ARAP2: variants seen among roughly 807,000 people sequenced by gnomAD.
The protein encoded by ARAP2 is arf-GAP with Rho-GAP domain, ANK repeat and PH domain-containing protein 2.
Under a neutral mutation model 194.5 loss-of-function variants are expected in ARAP2, and 148 were observed. That is an observed-to-expected ratio of 0.76 (90% CI 0.67 to 0.87). The LOEUF (loss-of-function observed/expected upper bound fraction) is 0.87. Ranked by LOEUF, ARAP2 falls within the 40% of genes least tolerant of loss-of-function variation. The pLI is 0.00. For synonymous variants in ARAP2, 695 were observed against 683.5 expected, an observed-to-expected ratio of 1.02 and a Z score of -0.26; for missense variants, 2,128 against 1,989.7, an observed-to-expected ratio of 1.07 and a Z score of -1.32.
Position 36,032,819 on chromosome 4 carries a change from C to T in ARAP2, n.607+13160G>A, listed in dbSNP as rs552817915. On this transcript the variant is annotated intron_variant and non_coding_transcript_variant, in intron 5 of 12. Transcript: ENST00000503225. ...ATAGTTATGTTTTCTGATCCTTGCCCTCCTCTTACCCTCCACACTCAAGTA... is the reference window on the plus strand; with the variant it reads ...ATAGTTATGTTTTCTGATCCTTGCCTTCCTCTTACCCTCCACACTCAAGTA... Among the ~76,000 whole-genome samples, 6 of 152,284 alleles carry T rather than the reference C, an allele frequency of 3.9e-5. No individual in the cohort carries two copies. In the East Asian group the frequency reaches 9.6e-4, roughly 24 times the overall value.
Position 36,073,698 on chromosome 4 carries a change from T to C in ARAP2, c.4734A>G (p.Lys1578=). The change falls in exon 32 of 33, where the codon AAA becomes AAG. Residue 1578 remains lysine (K), a synonymous_variant. Transcript: ENST00000303965. ...CAAAATCCTAACCTACCTCAATATTTTTCCGGGCCAAGGTTGCATTCCCCT... is the reference window on the plus strand; with the variant it reads ...CAAAATCCTAACCTACCTCAATATTCTTCCGGGCCAAGGTTGCATTCCCCT... The part of the protein sequence containing the change: ...QHEGNATLAR[K]NIESARAELE... The C allele has an allele frequency of 6.2e-7, 1 of 1,611,566 alleles. No homozygotes were observed. The highest frequency in any genetic ancestry group is 8.5e-7 in the Non-Finnish European group (1 of 1,178,480).
At position 36,184,046 on chromosome 4, in the gene ARAP2, T is replaced by C. The variant is rs370842440; in HGVS notation, c.1678+3405A>G. On this transcript the variant is annotated intron_variant, in intron 8 of 32. Transcript: ENST00000303965. The stretch of plus-strand genomic sequence containing the variant: ...AATCAAAATAGACTTGAATTTAGCT[T>C]CAAGTTTATTAAGTTAAAGTCCTTA... 6.6e-5 allele frequency among the ~76,000 whole-genome samples: 10 copies of C among 152,332 alleles called. 2 individuals are homozygous for C. The highest frequency in any genetic ancestry group is 2.6e-4 in the Admixed American group (4 of 15,298).
intron 15 of ARAP2, among the ~76,000 whole-genome samples, chr4:36,154,768 A>G (rs1192077853): frequency 6.6e-6 from 1 of 152,206 alleles, no homozygotes; most frequent in African/African-American, 2.4e-5. Context: ...TTTGTTTTTA[A>G]TCATTTTGCT....
rs886186948 is a variant in ARAP2 at position 36,174,834 on chromosome 4, C to T, written c.1857+2993G>A. ...AATAAAAACCCACAACTGCAACCTC[C>T]CAGTCCAATCTTCTTTGCAATAAAT... On this transcript the variant is annotated intron_variant, in intron 9 of 32. Coordinates refer to ENST00000303965, the MANE Select transcript of ARAP2 (RefSeq NM_015230.4). Among the ~76,000 whole-genome samples, 8 of 152,238 alleles carry T rather than the reference C, an allele frequency of 5.3e-5. No individual in the cohort carries two copies. In the East Asian group the frequency reaches 1.3e-3, roughly 26 times the overall value.
chr4:36,005,894 C>T (rs1052173521), intron 10 of ARAP2: 6 of 152,102 alleles, frequency 3.9e-5, no homozygotes, highest in Non-Finnish European at 8.8e-5. Flanking sequence ...TCAGGGTAGA[C>T]CAGTGGCATT....
At position 36,228,896 on chromosome 4, in the gene ARAP2, T is replaced by A. The variant is rs1229508583; in HGVS notation, c.591A>T (p.Glu197Asp). ...GATTTTCTGTGATCAATTTAACTTT[T>A]TCTGTTTGTTGTTCTTCAACTGTGT... ...VDHTVEEQQT[E>D]KVKLITENLS... The change falls in exon 2 of 33, where the codon GAA becomes GAT. Residue 197 changes from glutamate to aspartate, a missense_variant. Coordinates refer to ENST00000303965, the MANE Select transcript of ARAP2 (RefSeq NM_015230.4). The A allele has an allele frequency of 1.2e-6, 2 of 1,613,914 alleles. No homozygotes were observed. The highest frequency in any genetic ancestry group is 1.7e-5 in the Admixed American group (1 of 59,950).
chr4:36,202,145 T>A (rs1332774774), intron 6 of ARAP2, among the ~76,000 whole-genome samples: 2 of 152,176 alleles, frequency 1.3e-5, no homozygotes, highest in African/African-American at 4.8e-5. Flanking sequence ...GACCCAATAT[T>A]TTCTAGGACT....
At chr4:36,059,661 C>G (rs1347257709) in intron 1 of ARAP2, among the ~76,000 whole-genome samples, 1 of 152,102 alleles carries the variant, frequency 6.6e-6, no homozygotes, top group East Asian at 1.9e-4. Flanking sequence ...ATGTATTCCT[C>G]TAGGACTTAG....
At chr4:36,202,423 C>T (rs1744560086) in intron 6 of ARAP2, among the ~76,000 whole-genome samples, 1 of 150,668 alleles carries the variant, frequency 6.6e-6, no homozygotes, top group East Asian at 1.9e-4. Context: ...GGCCAAAAAA[C>T]GAAAATAAAA....
At chr4:36,079,548 C>T (rs1478780034) in intron 31 of ARAP2, among the ~76,000 whole-genome samples, 2 of 152,086 alleles carry the variant, frequency 1.3e-5, no homozygotes, top group Admixed American at 1.3e-4. Flanking sequence ...GGAAACAAAC[C>T]AGTCCAATTA....
intron 26 of ARAP2, among the ~76,000 whole-genome samples, chr4:36,108,643 T>C (rs1355456905): frequency 2.0e-5 from 3 of 152,022 alleles, no homozygotes; most frequent in Admixed American, 2.0e-4. Flanking sequence ...TAGGCAATCA[T>C]AATTTTAAAT....
chr4:36,085,277 T>C (rs1730547586), intron 28 of ARAP2, among the ~76,000 whole-genome samples: 1 of 152,126 alleles, frequency 6.6e-6, no homozygotes, highest in African/African-American at 2.4e-5. Flanking sequence ...ATTTAAAGTG[T>C]TCCCCCATAG....
chr4:36,144,343 T>C (rs1729103226), intron 19 of ARAP2, among the ~76,000 whole-genome samples: 1 of 151,896 alleles, frequency 6.6e-6, no homozygotes, highest in South Asian at 2.1e-4. Flanking sequence ...TTAGTAGGCA[T>C]TCCATAAATA....
chr4:36,181,233 G>C (rs1461038051), intron 8 of ARAP2, among the ~76,000 whole-genome samples: 1 of 152,198 alleles, frequency 6.6e-6, no homozygotes, highest in Non-Finnish European at 1.5e-5. Context: ...TCTAAGAATA[G>C]CATTCCAGGC....
chr4:36,084,402 A>G (rs1444541053), intron 28 of ARAP2, among the ~76,000 whole-genome samples: 2 of 152,124 alleles, frequency 1.3e-5, no homozygotes, highest in Non-Finnish European at 2.9e-5. Flanking sequence ...TTCAAGATAA[A>G]GGCTATATAT....
chr4:36,078,066 A>C (rs935038858), intron 31 of ARAP2, among the ~76,000 whole-genome samples: 1 of 152,106 alleles, frequency 6.6e-6, no homozygotes, highest in Non-Finnish European at 1.5e-5. Flanking sequence ...TATCACATGG[A>C]TATCCATTTG....
At chr4:36,064,499 G>C (rs1725062175), downstream of ARAP2, among the ~76,000 whole-genome samples, 2 of 152,222 alleles carry the variant, frequency 1.3e-5, no homozygotes, top group Admixed American at 1.3e-4. Context: ...GGCAGGACTT[G>C]CTGGCCCAGT....
intron 3 of ARAP2, 54 bp from the exon 4 acceptor site, chr4:36,213,373 T>A (rs1360226229): frequency 1.5e-6 from 2 of 1,319,518 alleles, no homozygotes; most frequent in Non-Finnish European, 2.2e-6. Context: ...TGTGAAATAC[T>A]GTTTTTAAAA....
intron 32 of ARAP2, among the ~76,000 whole-genome samples, chr4:36,070,390 G>GA (rs1726561068): frequency 6.6e-6 from 1 of 152,224 alleles, no homozygotes; most frequent in South Asian, 2.1e-4. Context: ...TAAAAAGAGA[G>GA]AGAGATAAAG....
Sources: allele counts gnomAD v4.1 joint callset (sites outside exome capture counted in the v4.1 genomes callset), GRCh38; gene constraint gnomAD v4.1.1; transcripts MANE v1.5; gene names NCBI Gene and HGNC (gene_info 2026-07-23, HGNC 2026-07-21).